The following BRIP1 variants were observed in gnomAD, a reference collection of about 807,000 sequenced individuals.
BRIP1 encodes the protein Fanconi anemia group J protein.
A neutral mutation model predicts 119.7 loss-of-function variants in BRIP1; 88 were observed. The ratio of observed to expected loss-of-function variants is 0.74; its 90% CI spans 0.62 to 0.88. The LOEUF (loss-of-function observed/expected upper bound fraction) is 0.88. Ranked by LOEUF, BRIP1 falls within the 40% of genes least tolerant of loss-of-function variation. BRIP1 has a pLI of 0.00. For synonymous variants in BRIP1, 443 were observed against 496.5 expected (o/e 0.89, Z 1.43); for missense variants, 1,259 against 1,455.4 (o/e 0.87, Z 2.20).
intron 10 of BRIP1, among the ~76,000 whole-genome samples, chr17:61,792,201 C>T (rs1013047179): frequency 1.3e-5 from 2 of 152,208 alleles, no homozygotes; most frequent in African/African-American, 4.8e-5. Context: ...CTGCCTCAGC[C>T]TCCCAAGTAG....
Position 61,735,283 on chromosome 17 carries a change from A to G in BRIP1, c.2379+7730T>C, listed in dbSNP as rs901575684. ...TGGGATAGTCACTCTTAATTAGGTT[A>G]TATTATATAGCAAAAATGATGGGAA... is the stretch of plus-strand genomic sequence containing the variant. On this transcript the variant is annotated intron_variant, in intron 16 of 19. Coordinates refer to ENST00000259008, the MANE Select transcript of BRIP1 (RefSeq NM_032043.3). This position sits in a 1 kb window ranked among gnomAD's most constrained non-coding sequence, Gnocchi z 4.4. Among the ~76,000 whole-genome samples the G allele has an allele frequency of 3.3e-5, 5 of 152,154 alleles. No homozygotes were observed. Among genetic ancestry groups the G allele is most frequent in the African/African-American group, 1.2e-4 (5 of 41,446 alleles).
rs2078771214 is a variant in BRIP1, at chr17:61,848,769, C to T, written c.507+360G>A. On this transcript the variant is annotated intron_variant, in intron 5 of 19. Transcript: ENST00000259008. This position sits in a 1 kb window ranked among gnomAD's most constrained non-coding sequence, Gnocchi z 4.3. ...CCAAAATATCCATAACATGAATAAT[C>T]ATATCAAAGGTATTTTAGCCAAAAG... 6.6e-6 allele frequency among the ~76,000 whole-genome samples: 1 copy of T among 152,008 alleles called. No homozygotes were observed. Among genetic ancestry groups the T allele is most frequent in the African/African-American group, 2.4e-5 (1 of 41,386 alleles).
In BRIP1 at chr17:61,683,443, A is replaced by G. The variant is rs1239998940; in HGVS notation, c.3603T>C (p.Ile1201=). The G allele has an allele frequency of 6.2e-7, 1 of 1,613,584 alleles. No individual in the cohort carries two copies. Among genetic ancestry groups the G allele is most frequent in the Non-Finnish European group, 8.5e-7 (1 of 1,179,758 alleles). ...IDTKLNGILH[I]EESKIDDIDG... is the part of the protein sequence containing the mutation. ...CAATGTCATCAATTTTACTTTCTTC[A>G]ATATGCAGAATTCCATTCAACTTTG... The change falls in exon 20 of 20, where the codon ATT becomes ATC. Residue 1201 remains isoleucine (I), a synonymous_variant. Transcript: ENST00000259008. This position sits in a 1 kb window ranked among gnomAD's most constrained non-coding sequence, Gnocchi z 4.7.
chr17:61,818,538 A>C lies in BRIP1; in HGVS notation c.628-9781T>G, dbSNP rs2078272035. Among the ~76,000 whole-genome samples the C allele has an allele frequency of 2.0e-5, 3 of 152,224 alleles. No individual in the cohort carries two copies. The South Asian group carries it at 6.2e-4, about 32-fold the overall frequency. Reference sequence around the variant, plus strand: ...ATGTCATGGTAAGGTCATATGAAAGAGTGTAAGTATCTAGAAAAACCAATC... The same window carrying C: ...ATGTCATGGTAAGGTCATATGAAAGCGTGTAAGTATCTAGAAAAACCAATC... On this transcript the variant is annotated intron_variant, in intron 6 of 19. Transcript: ENST00000259008.
Position 61,769,085 on chromosome 17 carries a change from G to A in BRIP1, c.2097+7316C>T, listed in dbSNP as rs1203492503. Among the ~76,000 whole-genome samples the A allele has an allele frequency of 1.3e-5, 2 of 152,034 alleles. No individual in the cohort carries two copies. The highest frequency in any genetic ancestry group is 2.4e-5 in the African/African-American group (1 of 41,394). ...GACTGGGTATCTCACTCAGTCCTAC[G>A]ACTACAAGGGATAAATTCTGCAAAC... On this transcript the variant is annotated intron_variant, in intron 14 of 19. Coordinates refer to ENST00000259008, the MANE Select transcript of BRIP1 (RefSeq NM_032043.3). This position sits in a 1 kb window ranked among gnomAD's most constrained non-coding sequence, Gnocchi z 4.9.
At position 61,744,623 on chromosome 17, in the gene BRIP1, G is replaced by A. The variant is rs781414991; in HGVS notation, c.2098-32C>T. ...AGGGGAAAGAAAAAAATGATTTTTTGTGTGTCTAGCTAAACAAACTTAACT... is the reference window on the plus strand; with the variant it reads ...AGGGGAAAGAAAAAAATGATTTTTTATGTGTCTAGCTAAACAAACTTAACT... On this transcript the variant is annotated intron_variant, in intron 14 of 19. Coordinates refer to ENST00000259008, the MANE Select transcript of BRIP1 (RefSeq NM_032043.3). The surrounding 1 kb of genome is among the most constrained non-coding windows in gnomAD (Gnocchi z 5.0). 1.9e-5 allele frequency: 30 copies of A among 1,592,606 alleles called. 1 individual carries two copies. In the South Asian group the frequency reaches 2.3e-4, roughly 12 times the overall value.
At chr17:61,840,133 C>G (rs1189077266) in intron 6 of BRIP1, among the ~76,000 whole-genome samples, 2 of 151,956 alleles carry the variant, frequency 1.3e-5, no homozygotes, top group Admixed American at 1.3e-4. Flanking sequence ...CCGAGGCAAA[C>G]AGATCACCCG....
Position 61,740,933 on chromosome 17 carries a change from A to G in BRIP1, c.2379+2080T>C, listed in dbSNP as rs2076978825. Among the ~76,000 whole-genome samples the G allele has an allele frequency of 6.6e-6, 1 of 152,130 alleles. No homozygotes were observed. Among genetic ancestry groups the G allele is most frequent in the East Asian group, 1.9e-4 (1 of 5,186 alleles). On this transcript the variant is annotated intron_variant, in intron 16 of 19. Coordinates refer to ENST00000259008, the MANE Select transcript of BRIP1 (RefSeq NM_032043.3). This position sits in a 1 kb window ranked among gnomAD's most constrained non-coding sequence, Gnocchi z 5.4. ...ATAAGACGACCATGAAGTTTGCTCT[A>G]TCATGTGACTCTTCCTTTCACAATA... is the stretch of plus-strand genomic sequence containing the variant.
chr17:61,808,430 C>A lies in BRIP1; in HGVS notation c.918+37G>T, dbSNP rs2145409308. The stretch of plus-strand genomic sequence containing the variant: ...TACTGAGTAATTTAAATATTTTCAG[C>A]CTTATTTTTTCTCTAACACAAAATA... On this transcript the variant is annotated intron_variant, in intron 7 of 19. Transcript: ENST00000259008. This position sits in a 1 kb window ranked among gnomAD's most constrained non-coding sequence, Gnocchi z 4.1. The A allele has an allele frequency of 6.4e-7, 1 of 1,561,326 alleles. No homozygotes were observed. The highest frequency in any genetic ancestry group is 8.8e-7 in the Non-Finnish European group (1 of 1,132,852).
Position 61,795,845 on chromosome 17 carries a change from T to C in BRIP1, c.1341-2116A>G, listed in dbSNP as rs1206867661. 6.6e-6 allele frequency among the ~76,000 whole-genome samples: 1 copy of C among 152,152 alleles called. No homozygotes were observed. The highest frequency in any genetic ancestry group is 1.5e-5 in the Non-Finnish European group (1 of 68,012). On this transcript the variant is annotated intron_variant, in intron 9 of 19. Coordinates refer to ENST00000259008, the MANE Select transcript of BRIP1 (RefSeq NM_032043.3). This position sits in a 1 kb window ranked among gnomAD's most constrained non-coding sequence, Gnocchi z 5.6. Reference sequence around the variant, plus strand: ...GGAACTTCCAAATTGTTCTTCATAGTGGTTGTCCTAATTTACATTCCCACC... The same window carrying C: ...GGAACTTCCAAATTGTTCTTCATAGCGGTTGTCCTAATTTACATTCCCACC...
At position 61,703,852 on chromosome 17, in the gene BRIP1, C is replaced by T. The variant is rs140918723; in HGVS notation, c.2493-10340G>A. On this transcript the variant is annotated intron_variant, in intron 17 of 19. Coordinates refer to ENST00000259008, the MANE Select transcript of BRIP1 (RefSeq NM_032043.3). This position sits in a 1 kb window ranked among gnomAD's most constrained non-coding sequence, Gnocchi z 5.0. ...GGGTCCAGTTTCAATCTTCTGCTTA[C>T]GGCTAGCCAGTTAGGTCCCACTTGT... 5.3e-3 allele frequency among the ~76,000 whole-genome samples: 809 copies of T among 152,190 alleles called. 7 individuals are homozygous for T. Among genetic ancestry groups the T allele is most frequent in the African/African-American group, 0.018 (765 of 41,544 alleles).
rs111842788 is a variant in BRIP1, at chr17:61,793,455, A to G, written c.1473+142T>C. On this transcript the variant is annotated intron_variant, in intron 10 of 19. Coordinates refer to ENST00000259008, the MANE Select transcript of BRIP1 (RefSeq NM_032043.3). This position sits in a 1 kb window ranked among gnomAD's most constrained non-coding sequence, Gnocchi z 5.2. ...CATGCCATCACTTAAAGATTATCAA[A>G]TTTAGATAATAAAATTTTTAAAAAA... The G allele has an allele frequency of 1.5e-3, 1,085 of 715,516 alleles. 9 individuals are homozygous for G. The African/African-American group carries it at 0.017, about 11-fold the overall frequency. 44.3% of individuals were successfully genotyped at this position (715,516 alleles called of 1,614,324 possible).
chr17:61,742,119 T>C lies in BRIP1; in HGVS notation c.2379+894A>G, dbSNP rs897511610. Among the ~76,000 whole-genome samples, 3 of 152,258 alleles carry C rather than the reference T, an allele frequency of 2.0e-5. No individual in the cohort carries two copies. Among genetic ancestry groups the C allele is most frequent in the South Asian group, 4.1e-4 (2 of 4,834 alleles). ...TGCATTAACTTGCACTTTTAAGTTA[T>C]GGAGATAGCTTCTTTCCTTAAACCT... On this transcript the variant is annotated intron_variant, in intron 16 of 19. Coordinates refer to ENST00000259008, the MANE Select transcript of BRIP1 (RefSeq NM_032043.3). This position sits in a 1 kb window ranked among gnomAD's most constrained non-coding sequence, Gnocchi z 4.7.
Position 61,742,060 on chromosome 17 carries a change from G to A in BRIP1, c.2379+953C>T, listed in dbSNP as rs2076993162. On this transcript the variant is annotated intron_variant, in intron 16 of 19. Coordinates refer to ENST00000259008, the MANE Select transcript of BRIP1 (RefSeq NM_032043.3). This position sits in a 1 kb window ranked among gnomAD's most constrained non-coding sequence, Gnocchi z 4.7. ...TCAATTATCTTGGCCAGATCTTCTG[G>A]ATAACTTGCTGTAGCTTCTCCATCA... Among the ~76,000 whole-genome samples the A allele has an allele frequency of 6.6e-6, 1 of 152,174 alleles. No individual in the cohort carries two copies. Among genetic ancestry groups the A allele is most frequent in the Non-Finnish European group, 1.5e-5 (1 of 68,032 alleles).
At chr17:61,765,724 C>T (rs2077363875) in intron 14 of BRIP1, among the ~76,000 whole-genome samples, 1 of 150,972 alleles carries the variant, frequency 6.6e-6, no homozygotes, top group South Asian at 2.1e-4. Context: ...CATGAGCCAG[C>T]ATGCCCAGCC....
At chr17:61,766,161 C>T (rs1443439931) in intron 14 of BRIP1, among the ~76,000 whole-genome samples, 2 of 152,104 alleles carry the variant, frequency 1.3e-5, no homozygotes, top group African/African-American at 4.8e-5. Flanking sequence ...TAGCATTGAA[C>T]TAGAAAATCA....
rs564814563 is a variant in BRIP1 at position 61,837,747 on chromosome 17, G to C, written c.627+9354C>G. 2.5e-3 allele frequency among the ~76,000 whole-genome samples: 387 copies of C among 152,188 alleles called. 2 individuals are homozygous for C. The highest frequency in any genetic ancestry group is 4.1e-3 in the Non-Finnish European group (279 of 68,000). Reference sequence around the variant, plus strand: ...ACTATATTTTGACCATGTGGAGACAGATGCTTCACTAGAACTTTGACATAT... The same window carrying C: ...ACTATATTTTGACCATGTGGAGACACATGCTTCACTAGAACTTTGACATAT... On this transcript the variant is annotated intron_variant, in intron 6 of 19. Coordinates refer to ENST00000259008, the MANE Select transcript of BRIP1 (RefSeq NM_032043.3).
chr17:61,683,738 A>T lies in BRIP1; in HGVS notation c.3308T>A (p.Ile1103Asn), dbSNP rs781102464. 6.2e-7 allele frequency: 1 copy of T among 1,613,876 alleles called. No homozygotes were observed. The highest frequency in any genetic ancestry group is 8.5e-7 in the Non-Finnish European group (1 of 1,179,910). The change falls in exon 20 of 20, where the codon ATT becomes AAT. Residue 1103 changes from isoleucine (I) to asparagine (N), a missense_variant. Coordinates refer to ENST00000259008, the MANE Select transcript of BRIP1 (RefSeq NM_032043.3). The surrounding 1 kb of genome is among the most constrained non-coding windows in gnomAD (Gnocchi z 4.7). Reference protein sequence around the residue: ...LCSEEALDPDIELSLVSEEDK... With the variant: ...LCSEEALDPDNELSLVSEEDK... Reference sequence around the variant, plus strand: ...TTCTTCACTTACTAGAGACAATTCAATGTCTGGATCCAGGGCTTCTTCAGA... The same window carrying T: ...TTCTTCACTTACTAGAGACAATTCATTGTCTGGATCCAGGGCTTCTTCAGA...
rs587780827 is a variant in BRIP1, at chr17:61,793,591, T to C, written c.1473+6A>G. 1.0e-5 allele frequency: 16 copies of C among 1,600,940 alleles called. No individual in the cohort carries two copies. The highest frequency in any genetic ancestry group is 1.1e-5 in the South Asian group (1 of 89,430). On this transcript the variant is annotated splice_donor_region_variant and intron_variant, in intron 10 of 19. Coordinates refer to ENST00000259008, the MANE Select transcript of BRIP1 (RefSeq NM_032043.3). This position sits in a 1 kb window ranked among gnomAD's most constrained non-coding sequence, Gnocchi z 5.2. Reference sequence around the variant, plus strand: ...ATACGTTTCACAGGTAGAAAAAATATCTTACCTGCAAAATGGGAAAAGTAG... The same window carrying C: ...ATACGTTTCACAGGTAGAAAAAATACCTTACCTGCAAAATGGGAAAAGTAG...
Sources: gnomAD v4.1 joint callset for allele counts (sites outside exome capture counted in the v4.1 genomes callset) on GRCh38, gnomAD v4.1.1 for gene constraint, Gnocchi (gnomAD v3.1) non-coding constraint, MANE v1.5 for transcripts, NCBI Gene and HGNC (gene_info 2026-07-23, HGNC 2026-07-21) for gene names.